The following PRELID2 variants were observed in gnomAD, a reference collection of about 807,000 sequenced individuals.
PRELID2 encodes PRELI domain containing 2.
In PRELID2, 25 loss-of-function variants were observed where a neutral mutation model predicts 28.4. The observed-to-expected ratio is 0.88, with a 90% CI of 0.64 to 1.23. The LOEUF is 1.23. PRELID2 is among the 50% of genes most tolerant of loss of function. The pLI is 0.00. For missense variants in PRELID2, 201 were observed against 214.4 expected (o/e 0.94, Z 0.39); for synonymous variants, 76 against 71.6 (o/e 1.06, Z -0.31).
chr5:145,714,006 T>C (rs78932006), intron 1 of PRELID2, among the ~76,000 whole-genome samples: 2,265 of 151,916 alleles, frequency 0.015, 19 homozygotes, highest in Non-Finnish European at 0.024. Context: ...AAAAAGTCTA[T>C]AGCAGACTAA....
chr5:145,641,848 T>C (rs56162962), intron 1 of PRELID2, among the ~76,000 whole-genome samples: 33,494 of 152,186 alleles, frequency 0.22, 6,959 homozygotes, highest in African/African-American at 0.54. Context: ...CATGAACTCA[T>C]CCTTTTTATG....
rs148754097 is a variant in PRELID2, at chr5:145,634,720, A to C, written n.70+130211T>G. ...TATGTAATAGTCTTTCTTCCTCACT[A>C]GAAACTCATCAGCTTTATCTAGCTC... On this transcript the variant is annotated intron_variant and non_coding_transcript_variant, in intron 1 of 2. Transcript: ENST00000510259. Among the ~76,000 whole-genome samples the C allele has an allele frequency of 1.3e-3, 195 of 152,316 alleles. 2 individuals carry two copies. Among genetic ancestry groups the C allele is most frequent in the African/African-American group, 4.6e-3 (191 of 41,556 alleles).
At chr5:145,807,810 T>A (rs1015827103) in intron 4 of PRELID2, among the ~76,000 whole-genome samples, 1 of 152,154 alleles carries the variant, frequency 6.6e-6, no homozygotes, top group Non-Finnish European at 1.5e-5. Flanking sequence ...TGATGAAGCA[T>A]CTTCTGGGAG....
At chr5:145,741,062 T>G (rs1242214425) in intron 1 of PRELID2, among the ~76,000 whole-genome samples, 2 of 118,346 alleles carry the variant, frequency 1.7e-5, no homozygotes, top group African/African-American at 6.8e-5. Context: ...AATATGTATA[T>G]TATATATTTA....
the PRELID2 span, among the ~76,000 whole-genome samples, chr5:145,393,164 A>G: frequency 2.0e-5 from 3 of 152,216 alleles, no homozygotes; most frequent in Non-Finnish European, 4.4e-5. Context: ...TAATGAATGT[A>G]TAATAGAGAA....
chr5:145,591,081 A>C (rs1753219983), intron 1 of PRELID2, among the ~76,000 whole-genome samples: 1 of 152,132 alleles, frequency 6.6e-6, no homozygotes. Context: ...GGATTGCTTG[A>C]GCCCAGGAGT....
chr5:145,281,707 C>A, the PRELID2 span, among the ~76,000 whole-genome samples: 5 of 152,098 alleles, frequency 3.3e-5, no homozygotes, highest in Admixed American at 3.3e-4. Context: ...ATGTCCATTG[C>A]GTGAAAATCT....
chr5:145,781,610 CACTATATATAT>C (rs1008672413), intron 5 of PRELID2, among the ~76,000 whole-genome samples: 1 of 146,226 alleles, frequency 6.8e-6, no homozygotes, highest in African/African-American at 2.5e-5. Flanking sequence ...TCTATATACA[CACTATATATAT>C]ACTATATATA....
chr5:145,820,164 C>T (rs377012774), intron 2 of PRELID2, 146 bp from the exon 3 acceptor site: 30 of 570,498 alleles, frequency 5.3e-5, no homozygotes, highest in African/African-American at 3.7e-4. Context: ...TGCAATGGCA[C>T]GGTCTCGGCT....
the PRELID2 span, among the ~76,000 whole-genome samples, chr5:145,411,177 G>A: frequency 2.6e-5 from 4 of 152,196 alleles, no homozygotes; most frequent in African/African-American, 4.8e-5. Flanking sequence ...GGCTGGGGAA[G>A]CCTGACAATC....
chr5:145,362,368 G>A, the PRELID2 span, among the ~76,000 whole-genome samples: 1 of 152,026 alleles, frequency 6.6e-6, no homozygotes, highest in Non-Finnish European at 1.5e-5. Flanking sequence ...AACATCTTTA[G>A]ACAAGGTTAA....
chr5:145,664,163 CA>C (rs1167833667), intron 1 of PRELID2, among the ~76,000 whole-genome samples: 3 of 152,110 alleles, frequency 2.0e-5, no homozygotes, highest in Non-Finnish European at 4.4e-5. Context: ...TTCCTTGGTA[CA>C]TGGTAATTCT....
At chr5:145,698,578 G>A (rs909941718) in intron 1 of PRELID2, among the ~76,000 whole-genome samples, 3 of 152,178 alleles carry the variant, frequency 2.0e-5, no homozygotes, top group African/African-American at 7.2e-5. Context: ...CTGGCTCATA[G>A]AACAGTGCCG....
rs541102417 is a variant in PRELID2 at position 145,777,452 on chromosome 5, T to A, written c.475-12452A>T. Among the ~76,000 whole-genome samples the A allele has an allele frequency of 1.6e-4, 25 of 152,292 alleles. 1 individual carries two copies. The East Asian group carries it at 4.8e-3, about 29-fold the overall frequency. The stretch of plus-strand genomic sequence containing the variant: ...TCTGAGTCCCACTGTCTAGTTTAAA[T>A]CTGGATTCTACCACTCACCACCTGT... On this transcript the variant is annotated intron_variant, in intron 5 of 6. Transcript: ENST00000683046.
intron 1 of PRELID2, among the ~76,000 whole-genome samples, chr5:145,637,292 T>C (rs1754016705): frequency 6.6e-6 from 1 of 152,206 alleles, no homozygotes; most frequent in Non-Finnish European, 1.5e-5. Flanking sequence ...TGTCATTGCC[T>C]CCATTTCATA....
At chr5:145,484,666 A>G (rs1752197590) in intron 1 of PRELID2, among the ~76,000 whole-genome samples, 1 of 152,210 alleles carries the variant, frequency 6.6e-6, no homozygotes, top group African/African-American at 2.4e-5. Flanking sequence ...CACCTGTCAC[A>G]TAATGGTACT....
chr5:145,399,174 T>A, the PRELID2 span, among the ~76,000 whole-genome samples: 1 of 151,814 alleles, frequency 6.6e-6, no homozygotes, highest in Non-Finnish European at 1.5e-5. Context: ...CTGGGAGGAG[T>A]TTTCTTCTTA....
At chr5:145,738,487 G>A (rs186656625) in intron 1 of PRELID2, among the ~76,000 whole-genome samples, 3 of 152,106 alleles carry the variant, frequency 2.0e-5, no homozygotes, top group South Asian at 2.1e-4. Flanking sequence ...CAAAAAAATA[G>A]AAGATATAAA....
chr5:145,457,755 T>C, the PRELID2 span, among the ~76,000 whole-genome samples: 2 of 152,210 alleles, frequency 1.3e-5, no homozygotes, highest in Non-Finnish European at 2.9e-5. Flanking sequence ...AAAGGCTCAG[T>C]GGACAAAAGT....
Sources: gnomAD v4.1 joint callset for allele counts (sites outside exome capture counted in the v4.1 genomes callset) on GRCh38, gnomAD v4.1.1 for gene constraint, MANE v1.5 for transcripts, NCBI Gene and HGNC (gene_info 2026-07-23, HGNC 2026-07-21) for gene names.